The following EXOC7 variants were observed in gnomAD, a reference collection of about 807,000 sequenced individuals.
EXOC7 encodes exocyst complex component 7, also known as exocyst complex component Exo70.
EXOC7 carries 51 observed loss-of-function variants against 87.6 expected under a neutral mutation model. The observed-to-expected ratio is 0.58, with a 90% CI of 0.46 to 0.73. EXOC7 has a LOEUF of 0.73. Among genes scored for constraint, EXOC7 ranks in the 30% least tolerant of loss-of-function variants. The probability of loss-of-function intolerance (pLI) is 0.00; values close to 1 mark genes in which losing one functional copy is unlikely to be tolerated. For synonymous variants in EXOC7, 327 were observed against 357.1 expected, an observed-to-expected ratio of 0.92 and a Z score of 0.95; for missense variants, 744 against 888.4, an observed-to-expected ratio of 0.84 and a Z score of 2.07.
chr17:76,099,646 G>C (rs2067960507), intron 4 of EXOC7, among the ~76,000 whole-genome samples: 1 of 152,188 alleles, frequency 6.6e-6, no homozygotes, highest in Non-Finnish European at 1.5e-5. Flanking sequence ...CACGCTAAGT[G>C]AAAGAGGCCA....
chr17:76,099,952 C>T (rs997674619), intron 4 of EXOC7, among the ~76,000 whole-genome samples: 2 of 152,052 alleles, frequency 1.3e-5, no homozygotes, highest in Non-Finnish European at 2.9e-5. Context: ...AAATTTAAAA[C>T]TTAGCTGGGT....
Position 76,095,609 on chromosome 17 carries a change from T to A in EXOC7, c.641-1028A>T, listed in dbSNP as rs1331067002. On this transcript the variant is annotated intron_variant, in intron 5 of 18. Transcript: ENST00000589210. ...ATTAATAAAGTATAAATTAAAAAAA[T>A]TAGAGGACTGTGATAGTCCTATCAG... 5.1e-4 allele frequency among the ~76,000 whole-genome samples: 77 copies of A among 152,114 alleles called. 1 individual carries two copies. The highest frequency in any genetic ancestry group is 5.0e-3 in the Admixed American group (77 of 15,262).
chr17:76,084,671 G>C, intron 15 of EXOC7, 91 bp from the exon 16 acceptor site: 1 of 1,144,552 alleles, frequency 8.7e-7, no homozygotes, highest in Non-Finnish European at 1.3e-6. Context: ...GATCTACTTG[G>C]TGGGTGGTGG....
chr17:76,086,440 C>T (rs2067215986), intron 12 of EXOC7, among the ~76,000 whole-genome samples: 1 of 152,210 alleles, frequency 6.6e-6, no homozygotes, highest in African/African-American at 2.4e-5. Context: ...CCCCACCCAC[C>T]CTGGGTGGTT....
chr17:76,100,597 C>T (rs1327203158), intron 4 of EXOC7, among the ~76,000 whole-genome samples: 4 of 150,286 alleles, frequency 2.7e-5, no homozygotes, highest in African/African-American at 7.4e-5. Flanking sequence ...CGTGCCATTG[C>T]ACTCCAGCTT....
Position 76,089,334 on chromosome 17 carries a change from C to A in EXOC7, c.902-14G>T, listed in dbSNP as rs1377771781. On this transcript the variant is annotated splice_polypyrimidine_tract_variant and intron_variant, in intron 7 of 18. Coordinates refer to ENST00000589210, the MANE Select transcript of EXOC7 (RefSeq NM_001013839.4). The stretch of plus-strand genomic sequence containing the variant: ...TGTCATCTCTCCCTGGGGGATGGCA[C>A]AACTCTTGAGCTGCTGGTCTGGGGC... 4 of 1,613,408 alleles carry A rather than the reference C, an allele frequency of 2.5e-6. No individual in the cohort carries two copies. In the Admixed American group the frequency reaches 6.7e-5, roughly 27 times the overall value.
intron 4 of EXOC7, among the ~76,000 whole-genome samples, chr17:76,100,385 T>G (rs1419244482): frequency 2.6e-5 from 4 of 151,402 alleles, no homozygotes; most frequent in Non-Finnish European, 5.9e-5. Flanking sequence ...CCCAGCACCT[T>G]GGGAGCTGAG....
intron 7 of EXOC7, chr17:76,090,400 G>C (rs574513422): frequency 1.3e-6 from 2 of 1,551,732 alleles, no homozygotes; most frequent in East Asian, 4.9e-5. Context: ...CTCGTGACCT[G>C]GCGAGATGTC....
At chr17:76,090,308 G>A (rs771594941) in intron 7 of EXOC7, 28 of 1,548,644 alleles carry the variant, frequency 1.8e-5, no homozygotes, top group Middle Eastern at 1.7e-4. Flanking sequence ...GGCTGCCCTC[G>A]GGCTGGGCTG....
In EXOC7 at chr17:76,081,331, A is replaced by AG. The variant is rs751384943; in HGVS notation, c.*2316dup. 1 of 1,614,120 alleles carries AG rather than the reference A, an allele frequency of 6.2e-7. No homozygotes were observed. The highest frequency in any genetic ancestry group is 8.5e-7 in the Non-Finnish European group (1 of 1,180,028). ...GGTGAACGAGATTGTGAGTGTCAAG[A>AG]GGGAATACGTAGTTTATGATCTGAA... On this transcript the variant is annotated 3_prime_UTR_variant, in exon 19 of 19. Coordinates refer to ENST00000589210, the MANE Select transcript of EXOC7 (RefSeq NM_001013839.4).
chr17:76,090,065 G>T (rs555627540), intron 7 of EXOC7, among the ~76,000 whole-genome samples: 23 of 152,392 alleles, frequency 1.5e-4, no homozygotes, highest in African/African-American at 5.5e-4. Flanking sequence ...TGCCCTCAAG[G>T]GAGCCACCTT....
chr17:76,098,467 C>T (rs776752855), intron 4 of EXOC7, among the ~76,000 whole-genome samples: 7 of 151,708 alleles, frequency 4.6e-5, no homozygotes, highest in South Asian at 2.1e-4. Context: ...AAAGAAGAAA[C>T]GCTGGGAAGC....
At chr17:76,096,406 T>C (rs2067752543) in intron 5 of EXOC7, among the ~76,000 whole-genome samples, 1 of 150,520 alleles carries the variant, frequency 6.6e-6, no homozygotes, top group African/African-American at 2.4e-5. Context: ...CCCCAGCTAC[T>C]TGGGAGGCTG....
At chr17:76,084,678 G>T in intron 15 of EXOC7, 98 bp from the exon 16 acceptor site, 1 of 1,046,858 alleles carries the variant, frequency 9.6e-7, no homozygotes, top group Non-Finnish European at 1.4e-6. Flanking sequence ...TTGGTGGGTG[G>T]TGGTAGGAAG....
chr17:76,085,910 C>G (rs1338585817), intron 13 of EXOC7, 113 bp from the exon 14 acceptor site: 1 of 1,528,634 alleles, frequency 6.5e-7, no homozygotes, highest in Non-Finnish European at 8.8e-7. Context: ...CCTCAGGAGG[C>G]CTTAGCCCAA....
At chr17:76,087,036 T>C (rs1056153561) in intron 12 of EXOC7, 2 of 669,864 alleles carry the variant, frequency 3.0e-6, no homozygotes, top group Non-Finnish European at 5.3e-6. Flanking sequence ...AAAACACAGA[T>C]AGCAAGACAC....
intron 15 of EXOC7, 81 bp from the exon 16 acceptor site, chr17:76,084,661 G>T (rs1428226360): frequency 2.3e-6 from 3 of 1,277,822 alleles, no homozygotes; most frequent in Admixed American, 1.9e-5. Flanking sequence ...TAAATCTCTG[G>T]ATCTACTTGG....
intron 12 of EXOC7, 44 bp from the exon 13 acceptor site, chr17:76,086,189 A>T (rs1384104396): frequency 6.3e-7 from 1 of 1,585,476 alleles, no homozygotes; most frequent in Non-Finnish European, 8.6e-7. Context: ...AGCAGCCAAG[A>T]CCCTCAACGG....
At chr17:76,093,019 T>A (rs768351543) in intron 6 of EXOC7, 15 of 152,344 alleles carry the variant, frequency 9.8e-5, no homozygotes, top group Non-Finnish European at 1.6e-4. Context: ...CCACCTGAGA[T>A]CAGATCCCTC....
Sources: gnomAD v4.1 joint callset for allele counts (sites outside exome capture counted in the v4.1 genomes callset) on GRCh38, gnomAD v4.1.1 for gene constraint, MANE v1.5 for transcripts, NCBI Gene and HGNC (gene_info 2026-07-23, HGNC 2026-07-21) for gene names.